Variants in NAV2 observed in about 807,000 individuals in gnomAD.
NAV2 encodes the protein neuron navigator 2.
In NAV2, 54 loss-of-function variants were observed where a neutral mutation model predicts 223.2. The observed-to-expected ratio is 0.24, with a 90% CI of 0.19 to 0.30. NAV2 has a LOEUF of 0.30. Ranked by LOEUF, NAV2 falls within the 10% of genes least tolerant of loss-of-function variation. The pLI is 1.00. For missense variants in NAV2, 2,806 were observed against 3,147.5 expected (o/e 0.89, Z 2.60); for synonymous variants, 1,279 against 1,239.3 (o/e 1.03, Z -0.67).
chr11:20,041,501 G>C (rs575345587), intron 12 of NAV2, among the ~76,000 whole-genome samples: 48 of 152,296 alleles, frequency 3.2e-4, no homozygotes, highest in African/African-American at 1.1e-3. Flanking sequence ...ATTACAGTTT[G>C]ATTGGGGGGA....
At position 19,498,736 on chromosome 11, in the gene NAV2, C is replaced by T. The variant is rs143749822; in HGVS notation, c.75+147709C>T. Among the ~76,000 whole-genome samples, 964 of 152,314 alleles carry T rather than the reference C, an allele frequency of 6.3e-3. 4 individuals are homozygous for T. Among genetic ancestry groups the T allele is most frequent in the Middle Eastern group, 0.014 (4 of 294 alleles). On this transcript the variant is annotated intron_variant, in intron 1 of 37. Transcript: ENST00000360655. ...TTTACTTACTCAAATATTTATTGAG[C>T]TACTATTGTCTGCTGTGTTCCAAAG...
At chr11:19,616,823 T>C (rs963069512) in intron 1 of NAV2, among the ~76,000 whole-genome samples, 1 of 152,054 alleles carries the variant, frequency 6.6e-6, no homozygotes, top group Non-Finnish European at 1.5e-5. Flanking sequence ...GTTTTTATGC[T>C]GAATTGAGGC....
intron 1 of NAV2, among the ~76,000 whole-genome samples, chr11:19,625,370 A>G (rs1412212211): frequency 6.6e-6 from 1 of 152,206 alleles, no homozygotes; most frequent in Non-Finnish European, 1.5e-5. Context: ...CCATGTTGCT[A>G]TGAATGACAG....
At chr11:19,567,550 T>C (rs1265691233) in intron 1 of NAV2, among the ~76,000 whole-genome samples, 1 of 152,218 alleles carries the variant, frequency 6.6e-6, no homozygotes, top group African/African-American at 2.4e-5. Flanking sequence ...GCATTAATTC[T>C]AGGCTTTCTG....
chr11:20,082,973 C>T (rs373660947), intron 25 of NAV2, 34 bp from the exon 26 acceptor site: 16 of 1,585,748 alleles, frequency 1.0e-5, no homozygotes, highest in Non-Finnish European at 1.4e-5. Context: ...CATTGGTTGC[C>T]CCCGCTGTGA....
At chr11:20,065,652 G>A (rs1164014769) in intron 20 of NAV2, among the ~76,000 whole-genome samples, 1 of 152,182 alleles carries the variant, frequency 6.6e-6, no homozygotes, top group African/African-American at 2.4e-5. Context: ...CTTTCTCTAG[G>A]CTGCTGTTGA....
chr11:19,603,631 CAAAAAAAAAAAAAA>C (rs1222524445), intron 1 of NAV2, among the ~76,000 whole-genome samples: 1 of 57,726 alleles, frequency 1.7e-5, no homozygotes, highest in African/African-American at 4.6e-5. Flanking sequence ...GACTCCATCT[CAAAAAAAAAAAAAA>C]AAAAGAAAAA....
intron 1 of NAV2, among the ~76,000 whole-genome samples, chr11:19,704,168 G>T (rs140809612): frequency 6.6e-6 from 1 of 152,022 alleles, no homozygotes; most frequent in Non-Finnish European, 1.5e-5. Flanking sequence ...CGAACATCAC[G>T]CAAAGACCAC....
upstream of NAV2, among the ~76,000 whole-genome samples, chr11:19,710,138 T>C (rs1422819666): frequency 6.6e-6 from 1 of 152,200 alleles, no homozygotes; most frequent in African/African-American, 2.4e-5. Flanking sequence ...ACATAATATG[T>C]ATTTCACTAT....
intron 1 of NAV2, among the ~76,000 whole-genome samples, chr11:19,660,641 T>C (rs779430944): frequency 6.6e-6 from 1 of 152,190 alleles, no homozygotes. Flanking sequence ...TCTGATCCCA[T>C]GTCCTGCCAG....
chr11:19,374,026 C>T (rs1430187427), intron 1 of NAV2, among the ~76,000 whole-genome samples: 2 of 152,134 alleles, frequency 1.3e-5, no homozygotes, highest in South Asian at 4.1e-4. Context: ...TTAAAAATAA[C>T]AGTAGATCTT....
In NAV2 at chr11:20,074,817, T is replaced by G. The variant is rs1255591476; in HGVS notation, c.4984-2735T>G. On this transcript the variant is annotated intron_variant, in intron 22 of 37. Transcript: ENST00000349880. ...GGTAAATATTCCTTCATCCCTTTAT[T>G]TTGAGCCTATGTCTGTCTTTGCACG... Among the ~76,000 whole-genome samples the G allele has an allele frequency of 2.7e-5, 4 of 148,090 alleles. No individual in the cohort carries two copies. The East Asian group carries it at 8.2e-4, about 30-fold the overall frequency.
intron 20 of NAV2, among the ~76,000 whole-genome samples, chr11:20,065,777 G>T (rs775934197): frequency 3.0e-4 from 46 of 152,240 alleles, no homozygotes; most frequent in Non-Finnish European, 5.3e-4. Flanking sequence ...CTTGTCCTAT[G>T]TGGATGGCTA....
chr11:19,842,871 C>T lies in NAV2; in HGVS notation c.386C>T (p.Ala129Val). 6.2e-7 allele frequency: 1 copy of T among 1,613,672 alleles called. No homozygotes were observed. The highest frequency in any genetic ancestry group is 8.5e-7 in the Non-Finnish European group (1 of 1,179,674). ...VLLAQIIQVV[A>V]NEKIEDINGC... ...TTCTGACTTGTGTTTCCTTTTTCAG[C>T]AAATGAAAAGATTGAAGACATCAAT... The change falls in exon 3 of 38, where the codon GCA (alanine) becomes GTA (valine). Residue 129 changes from alanine (A) to valine (V), a missense_variant and splice_region_variant. Physicochemically the swap from Ala to Val is moderately conservative, Grantham distance 64 (BLOSUM62 0). Transcript: ENST00000349880.
chr11:19,882,387 G>C (rs2153097055), intron 5 of NAV2, among the ~76,000 whole-genome samples: 1 of 152,334 alleles, frequency 6.6e-6, no homozygotes, highest in South Asian at 2.1e-4. Context: ...GAACAGTTAA[G>C]TAAGTGGTGG....
intron 11 of NAV2, among the ~76,000 whole-genome samples, chr11:20,025,799 C>T (rs1395651696): frequency 6.6e-6 from 1 of 152,168 alleles, no homozygotes; most frequent in East Asian, 1.9e-4. Flanking sequence ...GGACACTATC[C>T]ATTTATGGCA....
intron 3 of NAV2, among the ~76,000 whole-genome samples, chr11:19,862,429 G>A (rs1432244708): frequency 2.0e-5 from 3 of 152,168 alleles, no homozygotes; most frequent in Non-Finnish European, 4.4e-5. Flanking sequence ...AGCTTGAGCC[G>A]GCTTGCTGTA....
chr11:19,865,403 A>T (rs2062031051), intron 3 of NAV2, among the ~76,000 whole-genome samples: 1 of 152,216 alleles, frequency 6.6e-6, no homozygotes, highest in African/African-American at 2.4e-5. Context: ...TTTTAATCAC[A>T]AGAGGGCCTG....
chr11:20,047,878 T>A (rs2057606040), intron 14 of NAV2, among the ~76,000 whole-genome samples: 1 of 152,222 alleles, frequency 6.6e-6, no homozygotes, highest in South Asian at 2.1e-4. Flanking sequence ...GTGAGTGTAA[T>A]AGAGCCTTTG....
Sources: allele counts gnomAD v4.1 joint callset (sites outside exome capture counted in the v4.1 genomes callset), GRCh38; gene constraint gnomAD v4.1.1; transcripts MANE v1.5; gene names NCBI Gene and HGNC (gene_info 2026-07-23, HGNC 2026-07-21).